SH3RF3: variants seen among roughly 807,000 people sequenced by gnomAD.
SH3RF3 encodes SH3 domain containing ring finger 3, also known as E3 ubiquitin-protein ligase SH3RF3.
SH3RF3 carries 29 observed loss-of-function variants against 66.3 expected under a neutral mutation model. The observed-to-expected ratio is 0.44, with a 90% confidence interval of 0.33 to 0.60. SH3RF3 has a LOEUF of 0.60. SH3RF3 is among the 20% of genes least tolerant of loss of function. The pLI is 0.04. For synonymous variants in SH3RF3, 583 were observed against 532.0 expected (o/e 1.10, Z -1.32); for missense variants, 1,194 against 1,190.9 (o/e 1.00, Z -0.04).
intron 4 of SH3RF3, among the ~76,000 whole-genome samples, chr2:109,407,289 A>G (rs898020398): frequency 3.3e-5 from 5 of 152,194 alleles, no homozygotes; most frequent in African/African-American, 1.2e-4. Context: ...ATGGAAGGGG[A>G]AGTGTTTGAA....
At chr2:109,185,924 G>A (rs916498027) in intron 1 of SH3RF3, among the ~76,000 whole-genome samples, 67 of 152,264 alleles carry the variant, frequency 4.4e-4, no homozygotes, top group African/African-American at 1.5e-3. Flanking sequence ...CTCCTGGGAC[G>A]GCTGGCCCTG....
intron 1 of SH3RF3, among the ~76,000 whole-genome samples, chr2:109,179,212 T>C (rs1678010537): frequency 6.6e-6 from 1 of 152,116 alleles, no homozygotes; most frequent in African/African-American, 2.4e-5. Context: ...TAATCAAAAT[T>C]AGGTTCTACT....
At chr2:109,230,000 A>G (rs574055888) in intron 1 of SH3RF3, among the ~76,000 whole-genome samples, 4 of 151,126 alleles carry the variant, frequency 2.6e-5, no homozygotes, top group African/African-American at 7.3e-5. Context: ...AATTTTTTGT[A>G]TATTTAGTAG....
intron 1 of SH3RF3, among the ~76,000 whole-genome samples, chr2:109,275,322 C>G (rs1173961132): frequency 2.0e-5 from 3 of 152,160 alleles, no homozygotes; most frequent in Non-Finnish European, 4.4e-5. Context: ...AATCAGATCA[C>G]CAGGCTTCAG....
At chr2:109,399,409 T>G (rs974480075) in intron 4 of SH3RF3, among the ~76,000 whole-genome samples, 1 of 152,186 alleles carries the variant, frequency 6.6e-6, no homozygotes, top group African/African-American at 2.4e-5. Flanking sequence ...TACTGTTGTT[T>G]CTACAGATAC....
chr2:109,202,728 G>GCCTTC (rs1050458815), intron 1 of SH3RF3, among the ~76,000 whole-genome samples: 3 of 152,148 alleles, frequency 2.0e-5, no homozygotes, highest in Non-Finnish European at 4.4e-5. Flanking sequence ...AAACGCCACG[G>GCCTTC]CCTTCCCGTG....
chr2:109,434,109 C>T (rs905240929), intron 6 of SH3RF3, among the ~76,000 whole-genome samples: 9 of 152,328 alleles, frequency 5.9e-5, no homozygotes, highest in African/African-American at 1.7e-4. Context: ...GCTCACCTGT[C>T]GTGTCATCAG....
intron 1 of SH3RF3, among the ~76,000 whole-genome samples, chr2:109,249,575 C>CCTTT (rs1680027849): frequency 8.5e-6 from 1 of 117,480 alleles, no homozygotes; most frequent in East Asian, 2.1e-4. Flanking sequence ...TTCCTTCCTT[C>CCTTT]CTTCCTTCCT....
At chr2:109,207,470 A>C (rs1170779684) in intron 1 of SH3RF3, among the ~76,000 whole-genome samples, 1 of 152,202 alleles carries the variant, frequency 6.6e-6, no homozygotes, top group Admixed American at 6.5e-5. Context: ...TTATATATGT[A>C]ATAATGTTAT....
At chr2:109,227,937 A>G (rs1189951557) in intron 1 of SH3RF3, among the ~76,000 whole-genome samples, 1 of 152,154 alleles carries the variant, frequency 6.6e-6, no homozygotes, top group Non-Finnish European at 1.5e-5. Flanking sequence ...TGTTTCCCAA[A>G]CAAACGTGCA....
chr2:109,171,105 A>C (rs6722370), intron 1 of SH3RF3, among the ~76,000 whole-genome samples: 7,284 of 152,224 alleles, frequency 0.048, 459 homozygotes, highest in East Asian at 0.32. Context: ...TGTGTGACTT[A>C]TCTCTTCCTC....
chr2:109,393,935 A>G (rs1343190900), intron 3 of SH3RF3, among the ~76,000 whole-genome samples: 1 of 151,370 alleles, frequency 6.6e-6, no homozygotes, highest in East Asian at 1.9e-4. Context: ...TGGGGTGACT[A>G]TACTCTGGCG....
intron 2 of SH3RF3, among the ~76,000 whole-genome samples, chr2:109,353,520 G>T (rs1276512084): frequency 1.3e-5 from 2 of 152,222 alleles, no homozygotes; most frequent in Non-Finnish European, 2.9e-5. Context: ...ACATAGGGCA[G>T]CAAGGGGCGC....
chr2:109,211,678 T>C (rs2105109599), intron 1 of SH3RF3, among the ~76,000 whole-genome samples: 1 of 148,796 alleles, frequency 6.7e-6, no homozygotes, highest in Admixed American at 6.8e-5. Context: ...GGAGTCTCGC[T>C]CTGTCACCCA....
intron 5 of SH3RF3, among the ~76,000 whole-genome samples, chr2:109,422,950 C>T (rs1345526878): frequency 6.6e-6 from 1 of 152,086 alleles, no homozygotes; most frequent in Non-Finnish European, 1.5e-5. Flanking sequence ...GGCATCAGAC[C>T]GACACGCCTG....
chr2:109,210,448 A>G (rs1329695345), intron 1 of SH3RF3, among the ~76,000 whole-genome samples: 1 of 152,212 alleles, frequency 6.6e-6, no homozygotes, highest in Non-Finnish European at 1.5e-5. Context: ...TGTTGTTTTC[A>G]GAGTTGCCCA....
intron 4 of SH3RF3, among the ~76,000 whole-genome samples, chr2:109,401,335 G>A (rs1342622109): frequency 1.3e-5 from 2 of 152,220 alleles, no homozygotes; most frequent in African/African-American, 2.4e-5. Flanking sequence ...CTAAGAAGAG[G>A]ACTGAGGAGC....
intron 1 of SH3RF3, among the ~76,000 whole-genome samples, chr2:109,284,440 C>T (rs144991876): frequency 1.3e-5 from 2 of 152,214 alleles, no homozygotes; most frequent in East Asian, 1.9e-4. Context: ...TGGTCTAGGG[C>T]GTGTGGACTG....
At chr2:109,494,674 C>T (rs1429124724) in intron 9 of SH3RF3, among the ~76,000 whole-genome samples, 1 of 152,108 alleles carries the variant, frequency 6.6e-6, no homozygotes, top group Non-Finnish European at 1.5e-5. Context: ...TGTGCAAGGC[C>T]CACCTGTGAT....
Sources: allele counts gnomAD v4.1 joint callset (sites outside exome capture counted in the v4.1 genomes callset), GRCh38; gene constraint gnomAD v4.1.1; transcripts MANE v1.5; gene names NCBI Gene and HGNC (gene_info 2026-07-23, HGNC 2026-07-21).